The following FAM13A variants were observed in gnomAD, a reference collection of about 807,000 sequenced individuals.
The protein encoded by FAM13A is protein FAM13A.
In FAM13A, 76 loss-of-function variants were observed where a neutral mutation model predicts 129.6. The ratio of observed to expected loss-of-function variants is 0.59; its 90% CI spans 0.49 to 0.71. The LOEUF (loss-of-function observed/expected upper bound fraction) is 0.71, where lower values mean the gene tolerates loss of function less well. Ranked by LOEUF, FAM13A falls within the 30% of genes least tolerant of loss-of-function variation. The pLI, the probability that FAM13A is intolerant of heterozygous loss-of-function variation, is 0.00. For missense variants in FAM13A, 1,108 were observed against 1,249.3 expected, an observed-to-expected ratio of 0.89 and a Z score of 1.70; for synonymous variants, 443 against 449.9, an observed-to-expected ratio of 0.98 and a Z score of 0.20.
intron 4 of FAM13A, among the ~76,000 whole-genome samples, chr4:88,948,120 A>G (rs547538587): frequency 3.4e-4 from 52 of 152,268 alleles, no homozygotes; most frequent in African/African-American, 1.2e-3. Context: ...ATCAACCTGG[A>G]GGTAACTGAA....
intron 4 of FAM13A, among the ~76,000 whole-genome samples, chr4:88,969,044 G>C (rs1442968713): frequency 3.3e-5 from 5 of 152,130 alleles, no homozygotes; most frequent in Admixed American, 1.3e-4. Flanking sequence ...TTTAGTGACA[G>C]TATTAACTAA....
At chr4:88,871,454 A>C (rs1350757879) in intron 6 of FAM13A, among the ~76,000 whole-genome samples, 1 of 152,192 alleles carries the variant, frequency 6.6e-6, no homozygotes, top group East Asian at 1.9e-4. Flanking sequence ...ACCTTAAAGG[A>C]CCTGATGGAG....
chr4:88,875,501 A>C (rs533187854), intron 6 of FAM13A, among the ~76,000 whole-genome samples: 4 of 152,276 alleles, frequency 2.6e-5, no homozygotes, highest in Non-Finnish European at 5.9e-5. Flanking sequence ...GACACTTCTC[A>C]AAAGAAGAGA....
At chr4:89,020,934 A>G (rs1210837550) in intron 2 of FAM13A, among the ~76,000 whole-genome samples, 2 of 149,356 alleles carry the variant, frequency 1.3e-5, no homozygotes, top group Non-Finnish European at 2.9e-5. Flanking sequence ...ATAAACATAG[A>G]GCAAAACAGA....
chr4:89,039,625 G>A (rs1479875087), intron 1 of FAM13A, among the ~76,000 whole-genome samples: 1 of 152,096 alleles, frequency 6.6e-6, no homozygotes, highest in Non-Finnish European at 1.5e-5. Context: ...GGCCAGGTGT[G>A]GTGGCTCATG....
chr4:88,908,956 T>C (rs565912545), intron 5 of FAM13A, among the ~76,000 whole-genome samples: 6 of 152,336 alleles, frequency 3.9e-5, no homozygotes, highest in African/African-American at 1.4e-4. Flanking sequence ...AAAAGTTAAA[T>C]AATTCAACTA....
At chr4:89,032,476 C>A (rs966348027) in intron 1 of FAM13A, among the ~76,000 whole-genome samples, 2 of 152,062 alleles carry the variant, frequency 1.3e-5, no homozygotes, top group Non-Finnish European at 2.9e-5. Flanking sequence ...TCCTTAGGGG[C>A]CTTCTAATTC....
intron 6 of FAM13A, among the ~76,000 whole-genome samples, chr4:88,875,870 A>G (rs1742335546): frequency 6.6e-6 from 1 of 152,228 alleles, no homozygotes; most frequent in African/African-American, 2.4e-5. Context: ...TATTCACAAT[A>G]GCAAAGACTT....
intron 1 of FAM13A, among the ~76,000 whole-genome samples, chr4:89,038,444 T>A (rs1439135749): frequency 6.6e-6 from 1 of 151,114 alleles, no homozygotes; most frequent in Non-Finnish European, 1.5e-5. Context: ...TCCTGAGACA[T>A]CTCACTCCAG....
chr4:88,739,364 T>A (rs1423344738), intron 19 of FAM13A, among the ~76,000 whole-genome samples: 1 of 152,146 alleles, frequency 6.6e-6, no homozygotes, highest in Non-Finnish European at 1.5e-5. Context: ...TTTTTCTAAA[T>A]CCAAACTAGG....
intron 4 of FAM13A, among the ~76,000 whole-genome samples, chr4:88,984,757 G>A (rs1421373219): frequency 1.3e-5 from 2 of 151,860 alleles, no homozygotes; most frequent in Non-Finnish European, 2.9e-5. Context: ...ATTTTTCTTT[G>A]AATATTTATT....
At chr4:88,832,628 A>G (rs1734078878) in intron 7 of FAM13A, among the ~76,000 whole-genome samples, 1 of 152,234 alleles carries the variant, frequency 6.6e-6, no homozygotes, top group African/African-American at 2.4e-5. Flanking sequence ...AACATGAAAA[A>G]AAGCTCAACA....
At chr4:88,732,234 C>CA (rs767171954) in intron 21 of FAM13A, 36 bp from the exon 22 acceptor site, 16 of 1,508,044 alleles carry the variant, frequency 1.1e-5, no homozygotes, top group South Asian at 3.7e-5. Context: ...AAAATCTGGT[C>CA]ACTTTTTGGG....
intron 4 of FAM13A, among the ~76,000 whole-genome samples, chr4:88,958,221 G>A (rs896793476): frequency 1.3e-5 from 2 of 152,182 alleles, no homozygotes; most frequent in African/African-American, 4.8e-5. Context: ...CTGCTTGGCA[G>A]CCCCTCCCAT....
chr4:88,972,448 CG>C (rs1760244701), intron 4 of FAM13A, among the ~76,000 whole-genome samples: 2 of 151,608 alleles, frequency 1.3e-5, no homozygotes, highest in Admixed American at 1.3e-4. Context: ...ACTACAGGTG[CG>C]TGCCACCACG....
intron 6 of FAM13A, chr4:88,905,661 G>GTT (rs902867819): frequency 2.6e-5 from 4 of 152,040 alleles, no homozygotes; most frequent in Non-Finnish European, 4.4e-5. Flanking sequence ...GTGGTATTTG[G>GTT]TTTTCTATTC....
chr4:88,805,556 C>G (rs976264208), intron 7 of FAM13A, among the ~76,000 whole-genome samples: 1 of 152,126 alleles, frequency 6.6e-6, no homozygotes, highest in Non-Finnish European at 1.5e-5. Context: ...TCTGTAGTTA[C>G]TCTACTAAGT....
At chr4:88,947,098 A>G (rs1756018175) in intron 4 of FAM13A, among the ~76,000 whole-genome samples, 1 of 152,138 alleles carries the variant, frequency 6.6e-6, no homozygotes, top group East Asian at 1.9e-4. Flanking sequence ...GCCCAAGATG[A>G]CCAGCCTAAA....
rs1055300333 is a variant in FAM13A, at chr4:88,730,443, A to C, written c.2945+884T>G. 2.0e-5 allele frequency among the ~76,000 whole-genome samples: 3 copies of C among 152,202 alleles called. No individual in the cohort carries two copies. In the East Asian group the frequency reaches 5.8e-4, roughly 29 times the overall value. On this transcript the variant is annotated intron_variant, in intron 23 of 23. Coordinates refer to ENST00000264344, the MANE Select transcript of FAM13A (RefSeq NM_014883.4). ...AGTCTTGCTCTGTAGCCCAGGCTGCAGTGCAGTGGCGTGATCTCGGCTCAC... is the reference window on the plus strand; with the variant it reads ...AGTCTTGCTCTGTAGCCCAGGCTGCCGTGCAGTGGCGTGATCTCGGCTCAC...
Sources: gnomAD v4.1 joint callset for allele counts (sites outside exome capture counted in the v4.1 genomes callset) on GRCh38, gnomAD v4.1.1 for gene constraint, MANE v1.5 for transcripts, NCBI Gene and HGNC (gene_info 2026-07-23, HGNC 2026-07-21) for gene names.